Variants in GRIK3 observed in about 807,000 individuals in gnomAD.
GRIK3 encodes glutamate ionotropic receptor kainate type subunit 3, also known as glutamate receptor ionotropic, kainate 3.
A neutral mutation model predicts 102.5 loss-of-function variants in GRIK3; 29 were observed. The ratio of observed to expected loss-of-function variants is 0.28; its 90% CI spans 0.21 to 0.39. The LOEUF (loss-of-function observed/expected upper bound fraction) is 0.39. Among genes scored for constraint, GRIK3 ranks in the 10% least tolerant of loss-of-function variants. The pLI is 1.00. For missense variants in GRIK3, 908 were observed against 1,252.4 expected (o/e 0.73, Z 4.15); for synonymous variants, 511 against 504.9 (o/e 1.01, Z -0.16).
chr1:37,025,014 A>T (rs1053202206), intron 1 of GRIK3, among the ~76,000 whole-genome samples: 1 of 152,316 alleles, frequency 6.6e-6, no homozygotes, highest in Non-Finnish European at 1.5e-5. Context: ...TCACACAGCC[A>T]GGAGGGAAGG....
chr1:36,985,001 A>C (rs1275940484), intron 1 of GRIK3, among the ~76,000 whole-genome samples: 2 of 152,168 alleles, frequency 1.3e-5, no homozygotes, highest in Non-Finnish European at 2.9e-5. Flanking sequence ...CACAGTGGTC[A>C]AGGGCTCCGT....
Position 36,798,167 on chromosome 1 carries a change from A to G in GRIK3, c.*3684T>C, listed in dbSNP as rs1260998574. Reference sequence around the variant, plus strand: ...TGTCCAGAGCAGAGAAACCAGCAGCAGGACAAGGGGAGAGTGATTGGGAGG... The same window carrying G: ...TGTCCAGAGCAGAGAAACCAGCAGCGGGACAAGGGGAGAGTGATTGGGAGG... On this transcript the variant is annotated 3_prime_UTR_variant, in exon 16 of 16. Coordinates refer to ENST00000373091, the MANE Select transcript of GRIK3 (RefSeq NM_000831.4). 1 of 152,346 alleles carries G rather than the reference A, an allele frequency of 6.6e-6. No homozygotes were observed. The highest frequency in any genetic ancestry group is 1.5e-5 in the Non-Finnish European group (1 of 68,126). The allele number at this position is 152,346 out of a possible 1,614,324, so 9.4% of individuals were successfully genotyped here. A position where few individuals can be genotyped will look rare whatever the true frequency, so the allele number is the denominator to read the frequency against.
At chr1:36,807,834 T>A (rs946641247) in intron 13 of GRIK3, among the ~76,000 whole-genome samples, 2 of 152,126 alleles carry the variant, frequency 1.3e-5, no homozygotes, top group African/African-American at 4.8e-5. Context: ...CCTTCACAGA[T>A]AAGCAGCCAC....
intron 1 of GRIK3, among the ~76,000 whole-genome samples, chr1:37,025,362 C>T (rs938683868): frequency 1.3e-5 from 2 of 152,176 alleles, no homozygotes; most frequent in South Asian, 4.2e-4. Flanking sequence ...TCAGGCCTCA[C>T]CCCACACCCA....
At chr1:36,978,744 A>G (rs1205766568) in intron 1 of GRIK3, among the ~76,000 whole-genome samples, 2 of 152,148 alleles carry the variant, frequency 1.3e-5, no homozygotes, top group African/African-American at 4.8e-5. Context: ...AGTCCATATG[A>G]CAGTAGCAGG....
chr1:36,919,885 G>A (rs1393838851), intron 1 of GRIK3, among the ~76,000 whole-genome samples: 3 of 152,220 alleles, frequency 2.0e-5, no homozygotes, highest in Non-Finnish European at 4.4e-5. Flanking sequence ...ATGGTGTGGG[G>A]GAAGAGGAAG....
intron 10 of GRIK3, 144 bp from the exon 11 acceptor site, chr1:36,825,970 T>A (rs1026375701): frequency 1.3e-5 from 8 of 604,770 alleles, no homozygotes; most frequent in Non-Finnish European, 2.3e-5. Context: ...TTTCCACATT[T>A]ACTAACCCTC....
chr1:36,891,171 AT>A, intron 1 of GRIK3, 75 bp from the exon 2 acceptor site: 1 of 1,139,950 alleles, frequency 8.8e-7, no homozygotes, highest in Non-Finnish European at 1.3e-6. Flanking sequence ...GGCTCAAAAG[AT>A]TTTATAGACA....
At chr1:36,828,027 C>T (rs998487067) in intron 10 of GRIK3, among the ~76,000 whole-genome samples, 1 of 151,586 alleles carries the variant, frequency 6.6e-6, no homozygotes, top group African/African-American at 2.4e-5. Flanking sequence ...GCCGCCACCC[C>T]AGCTCCTGGA....
chr1:36,999,354 A>C (rs1393464993), intron 1 of GRIK3, among the ~76,000 whole-genome samples: 4 of 152,082 alleles, frequency 2.6e-5, no homozygotes, highest in African/African-American at 9.7e-5. Flanking sequence ...GCTTTCTCAA[A>C]AAGAAGTGAA....
intron 1 of GRIK3, among the ~76,000 whole-genome samples, chr1:36,905,329 T>G (rs2124288645): frequency 6.6e-6 from 1 of 152,242 alleles, no homozygotes; most frequent in East Asian, 1.9e-4. Flanking sequence ...ATTTATAAAT[T>G]TAATGCAATT....
intron 8 of GRIK3, among the ~76,000 whole-genome samples, chr1:36,851,100 C>T (rs1385096074): frequency 6.6e-6 from 1 of 152,198 alleles, no homozygotes; most frequent in Non-Finnish European, 1.5e-5. Context: ...GGTCTCAGCT[C>T]CTCTCACTCA....
chr1:37,001,612 A>G (rs1642477574), intron 1 of GRIK3, among the ~76,000 whole-genome samples: 2 of 149,688 alleles, frequency 1.3e-5, no homozygotes, highest in African/African-American at 2.4e-5. Flanking sequence ...TGTCTTAAAG[A>G]AAAAAAAAAC....
At chr1:36,877,505 T>C (rs1462085540) in intron 3 of GRIK3, among the ~76,000 whole-genome samples, 5 of 152,172 alleles carry the variant, frequency 3.3e-5, no homozygotes, top group Non-Finnish European at 7.3e-5. Context: ...ATTCTACGCC[T>C]TTGCTCAGCA....
At chr1:36,947,334 G>A (rs1570814985) in intron 1 of GRIK3, among the ~76,000 whole-genome samples, 1 of 151,944 alleles carries the variant, frequency 6.6e-6, no homozygotes, top group Non-Finnish European at 1.5e-5. Context: ...CCCAGGCCTG[G>A]CATCTCCCAC....
At chr1:36,838,995 C>T (rs1004726275) in intron 10 of GRIK3, among the ~76,000 whole-genome samples, 7 of 152,148 alleles carry the variant, frequency 4.6e-5, no homozygotes, top group African/African-American at 7.2e-5. Context: ...GACGACACTC[C>T]CTCCTTTTCC....
intron 10 of GRIK3, among the ~76,000 whole-genome samples, chr1:36,832,492 C>A (rs924366674): frequency 6.6e-6 from 1 of 152,184 alleles, no homozygotes; most frequent in African/African-American, 2.4e-5. Flanking sequence ...CAAACCAACA[C>A]CCTGAAGGGT....
intron 5 of GRIK3, among the ~76,000 whole-genome samples, chr1:36,866,295 G>A (rs1388262134): frequency 6.6e-6 from 1 of 152,214 alleles, no homozygotes; most frequent in Non-Finnish European, 1.5e-5. Flanking sequence ...CAGGCATTGT[G>A]TGGAATCTGA....
At chr1:36,821,002 G>A (rs970524260) in intron 11 of GRIK3, among the ~76,000 whole-genome samples, 2 of 152,124 alleles carry the variant, frequency 1.3e-5, no homozygotes, top group African/African-American at 4.8e-5. Context: ...CTAGATTTGT[G>A]GGGGAGGTTT....
Sources: allele counts gnomAD v4.1 joint callset (sites outside exome capture counted in the v4.1 genomes callset), GRCh38; gene constraint gnomAD v4.1.1; transcripts MANE v1.5; gene names NCBI Gene and HGNC (gene_info 2026-07-23, HGNC 2026-07-21).